Variants in DNASE1 observed in about 807,000 individuals in gnomAD.
DNASE1 encodes the protein deoxyribonuclease-1.
DNASE1 carries 40 observed loss-of-function variants against 33.9 expected under a neutral mutation model. The observed-to-expected ratio is 1.18, with a 90% CI of 0.92 to 1.54. DNASE1 has a LOEUF of 1.54. Among genes scored for constraint, DNASE1 ranks in the 40% most tolerant of loss-of-function variants. DNASE1 has a pLI of 0.00. For synonymous variants in DNASE1, 216 were observed against 160.0 expected, an observed-to-expected ratio of 1.35 and a Z score of -2.64; for missense variants, 518 against 372.6, an observed-to-expected ratio of 1.39 and a Z score of -3.21.
At chr16:3,638,634 G>T (rs535743785), upstream of DNASE1, among the ~76,000 whole-genome samples, 1 of 152,150 alleles carries the variant, frequency 6.6e-6, no homozygotes, top group East Asian at 1.9e-4. Context: ...CACCACGCCC[G>T]GCCTCTGTTT....
Position 3,656,513 on chromosome 16 carries a change from G to A in DNASE1, c.321-125G>A, listed in dbSNP as rs997550666. The A allele has an allele frequency of 2.0e-5, 14 of 697,950 alleles. No homozygotes were observed. In the African/African-American group the frequency reaches 2.3e-4, roughly 11 times the overall value. The allele number at this position is 697,950 out of a possible 1,614,324, so 43.2% of individuals were successfully genotyped here. A position where few individuals can be genotyped will look rare whatever the true frequency, so the allele number is the denominator to read the frequency against. Reference sequence around the variant, plus strand: ...CCTGTCGCCTGGGTCCCGGACCAATGGGTTGAGCAGGTGCCTGGCTCCCCC... The same window carrying A: ...CCTGTCGCCTGGGTCCCGGACCAATAGGTTGAGCAGGTGCCTGGCTCCCCC... On this transcript the variant is annotated intron_variant, in intron 4 of 8. Transcript: ENST00000246949.
intron 1 of DNASE1, among the ~76,000 whole-genome samples, chr16:3,636,759 G>A (rs773393371): frequency 6.6e-6 from 1 of 151,824 alleles, no homozygotes; most frequent in African/African-American, 2.4e-5. Flanking sequence ...GGTGCAGGTT[G>A]CAGTGAGCCA....
chr16:3,634,442 C>G (rs1482615999), intron 1 of DNASE1, among the ~76,000 whole-genome samples: 1 of 149,570 alleles, frequency 6.7e-6, no homozygotes, highest in African/African-American at 2.5e-5. Context: ...ATTAGCCAGG[C>G]TGGTCTCGAA....
downstream of DNASE1, chr16:3,661,107 T>A (rs980043284): frequency 1.3e-5 from 2 of 152,096 alleles, no homozygotes; most frequent in Admixed American, 1.3e-4. Context: ...CATATACAAG[T>A]TAGAAAATGA....
chr16:3,647,910 G>A (rs2042220391), intron 1 of DNASE1, among the ~76,000 whole-genome samples: 1 of 152,106 alleles, frequency 6.6e-6, no homozygotes, highest in South Asian at 2.1e-4. Context: ...GCTCACACCT[G>A]TAATCCTAGC....
intron 1 of DNASE1, among the ~76,000 whole-genome samples, chr16:3,617,799 AAAG>A (rs1312115811): frequency 2.0e-5 from 3 of 152,038 alleles, no homozygotes; most frequent in Non-Finnish European, 4.4e-5. Context: ...TTTTTTAAAA[AAAG>A]AAAAGAGGCC....
At chr16:3,616,343 G>A (rs1477924232) in intron 1 of DNASE1, among the ~76,000 whole-genome samples, 2 of 152,202 alleles carry the variant, frequency 1.3e-5, no homozygotes, top group Non-Finnish European at 2.9e-5. Flanking sequence ...GGAATTGGCC[G>A]GGTGCGGTGG....
chr16:3,612,930 A>G (rs2040957181), intron 1 of DNASE1, among the ~76,000 whole-genome samples: 1 of 152,136 alleles, frequency 6.6e-6, no homozygotes, highest in African/African-American at 2.4e-5. Context: ...AGTCACTGAA[A>G]TAATGAACAC....
At position 3,656,589 on chromosome 16, in the gene DNASE1, G is replaced by T. The variant is rs774274448; in HGVS notation, c.321-49G>T. 7 of 1,511,216 alleles carry T rather than the reference G, an allele frequency of 4.6e-6. No homozygotes were observed. In the East Asian group the frequency reaches 1.7e-4, roughly 36 times the overall value. The allele number at this position is 1,511,216 out of a possible 1,614,324, so 93.6% of individuals were successfully genotyped here. A position where few individuals can be genotyped will look rare whatever the true frequency, so the allele number is the denominator to read the frequency against. ...GCCTGCCTCCTGGGAAGCAGGAGTG[G>T]GGCAGCTTCCAGCCTGGGGTCACCT... On this transcript the variant is annotated intron_variant, in intron 4 of 8. Coordinates refer to ENST00000246949, the MANE Select transcript of DNASE1 (RefSeq NM_005223.4).
rs556864006 is a variant in DNASE1, at chr16:3,663,884, G to T, written c.*5931G>T. On this transcript the variant is annotated 3_prime_UTR_variant, in exon 10 of 10. Transcript: ENST00000407479. ...GTCAGGAGTTCGAGACCAACATGGT[G>T]AAATGCCGTCTCTATTAAAAATACA... The T allele has an allele frequency of 8.1e-6, 3 of 370,492 alleles. No homozygotes were observed. The East Asian group carries it at 1.6e-4, about 20-fold the overall frequency. 23.0% of individuals were successfully genotyped at this position (370,492 alleles called of 1,614,324 possible). A position where few individuals can be genotyped will look rare whatever the true frequency, so the allele number is the denominator to read the frequency against.
intron 1 of DNASE1, among the ~76,000 whole-genome samples, chr16:3,620,407 C>T (rs1462900386): frequency 6.6e-6 from 1 of 150,664 alleles, no homozygotes; most frequent in Non-Finnish European, 1.5e-5. Flanking sequence ...GTGTGTCACC[C>T]AGGCTGGAGT....
downstream of DNASE1, chr16:3,661,706 T>C (rs1045928948): frequency 1.4e-5 from 5 of 369,234 alleles, no homozygotes; most frequent in Non-Finnish European, 2.4e-5. Context: ...ACTGAGCATG[T>C]CCAGGACACG....
chr16:3,647,528 C>T (rs1006004829), intron 1 of DNASE1, among the ~76,000 whole-genome samples: 2 of 152,110 alleles, frequency 1.3e-5, no homozygotes, highest in Admixed American at 6.5e-5. Flanking sequence ...CCCACTGTGG[C>T]CTGCCAAAGT....
downstream of DNASE1, chr16:3,662,042 T>C: frequency 6.2e-7 from 1 of 1,613,388 alleles, no homozygotes; most frequent in Non-Finnish European, 8.5e-7. Context: ...TCCTGGGTCT[T>C]GGCCAGCTGC....
At chr16:3,644,722 G>A (rs1215879031) in intron 1 of DNASE1, among the ~76,000 whole-genome samples, 23 of 149,868 alleles carry the variant, frequency 1.5e-4, no homozygotes, top group African/African-American at 5.7e-4. Context: ...GCGACAGAGC[G>A]AGACTCCATC....
At chr16:3,624,890 G>C (rs959565788) in intron 1 of DNASE1, among the ~76,000 whole-genome samples, 1 of 152,104 alleles carries the variant, frequency 6.6e-6, no homozygotes, top group South Asian at 2.1e-4. Flanking sequence ...AGTAGAGATA[G>C]GGTTTTGCCA....
At chr16:3,657,678 G>A in intron 7 of DNASE1, 42 bp from the exon 8 acceptor site, 1 of 1,611,716 alleles carries the variant, frequency 6.2e-7, no homozygotes, top group East Asian at 2.2e-5. Context: ...CCAGGCCCAT[G>A]TGTGAAAGGG....
upstream of DNASE1, among the ~76,000 whole-genome samples, chr16:3,640,532 C>G (rs537754321): frequency 5.9e-5 from 9 of 152,360 alleles, no homozygotes; most frequent in Non-Finnish European, 1.2e-4. Context: ...TTTCCACCAA[C>G]TGAAGGCAAA....
intron 1 of DNASE1, among the ~76,000 whole-genome samples, chr16:3,612,516 G>C (rs1314118059): frequency 6.7e-6 from 1 of 149,918 alleles, no homozygotes. Flanking sequence ...CTCCCAAAGT[G>C]GTGGGATTAC....
Sources: gnomAD v4.1 joint callset for allele counts (sites outside exome capture counted in the v4.1 genomes callset) on GRCh38, gnomAD v4.1.1 for gene constraint, MANE v1.5 for transcripts, NCBI Gene and HGNC (gene_info 2026-07-23, HGNC 2026-07-21) for gene names.